Variants in MYO10 observed in about 807,000 individuals in gnomAD.
The protein encoded by MYO10 is myosin X, also known as unconventional myosin-X.
Under a neutral mutation model 257.3 loss-of-function variants are expected in MYO10, and 133 were observed. The observed-to-expected ratio is 0.52, with a 90% CI of 0.45 to 0.60. The LOEUF (loss-of-function observed/expected upper bound fraction) is 0.60, where lower values mean the gene tolerates loss of function less well. Among genes scored for constraint, MYO10 ranks in the 20% least tolerant of loss-of-function variants. The pLI is 0.00. For missense variants in MYO10, 2,399 were observed against 2,635.7 expected, an observed-to-expected ratio of 0.91 and a Z score of 1.97; for synonymous variants, 1,104 against 1,028.6, an observed-to-expected ratio of 1.07 and a Z score of -1.40.
chr5:16,841,076 C>A (rs1001241259), intron 2 of MYO10, among the ~76,000 whole-genome samples: 1 of 149,704 alleles, frequency 6.7e-6, no homozygotes, highest in East Asian at 2.0e-4. Context: ...ACCTGGAAAG[C>A]GGAGATTGCA....
chr5:16,848,230 C>A (rs965996267), intron 2 of MYO10, among the ~76,000 whole-genome samples: 12 of 144,560 alleles, frequency 8.3e-5, no homozygotes, highest in Admixed American at 7.1e-4. Flanking sequence ...ACAATCTTGG[C>A]TCACTGCAAC....
chr5:16,735,760 A>C (rs556644281), intron 19 of MYO10, among the ~76,000 whole-genome samples: 1 of 152,032 alleles, frequency 6.6e-6, no homozygotes, highest in East Asian at 1.9e-4. Flanking sequence ...ACTCTAAAAA[A>C]TCCTCCCTGT....
At chr5:16,833,377 A>G (rs991568736) in intron 2 of MYO10, among the ~76,000 whole-genome samples, 28 of 151,894 alleles carry the variant, frequency 1.8e-4, no homozygotes, top group African/African-American at 6.3e-4. Context: ...CCACACCTGG[A>G]TAATTTTTGT....
At chr5:16,899,596 C>G (rs1454021121) in intron 1 of MYO10, among the ~76,000 whole-genome samples, 11 of 143,698 alleles carry the variant, frequency 7.7e-5, no homozygotes, top group African/African-American at 2.9e-4. Context: ...CATGCCACAG[C>G]AGGCCTGGGC....
intron 19 of MYO10, among the ~76,000 whole-genome samples, chr5:16,732,581 T>C (rs1003004631): frequency 6.6e-6 from 1 of 152,156 alleles, no homozygotes; most frequent in African/African-American, 2.4e-5. Flanking sequence ...CTGTCTCTCT[T>C]TGTAGATGTT....
chr5:16,757,301 AACACACACACACACGCACACAC>A lies in MYO10; in HGVS notation c.1848+795_1848+816del, dbSNP rs1327996091. On this transcript the variant is annotated intron_variant, in intron 18 of 40. Coordinates refer to ENST00000513610, the MANE Select transcript of MYO10 (RefSeq NM_012334.3). Reference sequence around the variant, plus strand: ...CAAGACCCTGTCTCACACACACACAAACACACACACACACGCACACACACACACACACACACACACACGGAAA... The same window carrying A: ...CAAGACCCTGTCTCACACACACACAAACACACACACACACACACACGGAAA... Among the ~76,000 whole-genome samples the A allele has an allele frequency of 9.4e-3, 793 of 84,372 alleles. 3 individuals are homozygous for A. Among genetic ancestry groups the A allele is most frequent in the Middle Eastern group, 0.059 (11 of 186 alleles). The allele number at this position is 84,372 out of a possible 152,430, so 55.4% of individuals were successfully genotyped here.
At chr5:16,900,405 G>T (rs1026351924) in intron 1 of MYO10, among the ~76,000 whole-genome samples, 1 of 152,072 alleles carries the variant, frequency 6.6e-6, no homozygotes, top group Non-Finnish European at 1.5e-5. Flanking sequence ...AGTTTGCAGG[G>T]GCTACAGGTT....
chr5:16,683,509 A>G lies in MYO10; in HGVS notation c.4046+371T>C, dbSNP rs143026984. ...AAAATCCTTTTCAAGTTTATCGTTA[A>G]GTTCAGAAAGGAGAATGACTCCCTT... On this transcript the variant is annotated intron_variant, in intron 30 of 40. Coordinates refer to ENST00000513610, the MANE Select transcript of MYO10 (RefSeq NM_012334.3). Among the ~76,000 whole-genome samples, 20 of 152,358 alleles carry G rather than the reference A, an allele frequency of 1.3e-4. No individual in the cohort carries two copies. The East Asian group carries it at 3.9e-3, about 29-fold the overall frequency.
At chr5:16,824,954 T>G (rs1452493533) in intron 2 of MYO10, among the ~76,000 whole-genome samples, 1 of 152,186 alleles carries the variant, frequency 6.6e-6, no homozygotes, top group Non-Finnish European at 1.5e-5. Flanking sequence ...AAAATCAGCA[T>G]GACAATATTA....
rs749276491 is a variant in MYO10 at position 16,758,154 on chromosome 5, G to C, written c.1812C>G (p.Ser604Arg). ...AGCTGACTGTAGGCCGCCGATGTTT[G>C]CTTCCACATTTCAAGGTATCCTGGT... The part of the protein sequence containing the change: ...RNNQDTLKCG[S>R]KHRRPTVSSQ... The change falls in exon 18 of 41, where the codon AGC becomes AGG. Residue 604 changes from serine to arginine, a missense_variant. Physicochemically the swap from Ser to Arg is moderately radical, Grantham distance 110. Coordinates refer to ENST00000513610, the MANE Select transcript of MYO10 (RefSeq NM_012334.3). 1 of 1,613,610 alleles carries C rather than the reference G, an allele frequency of 6.2e-7. No individual in the cohort carries two copies. The highest frequency in any genetic ancestry group is 8.5e-7 in the Non-Finnish European group (1 of 1,179,518).
In MYO10 at chr5:16,685,002, C is replaced by T. The variant is rs1022154789; in HGVS notation, c.3990+736G>A. ...CGGAGGTTGCAGTGAACTGAGATCT[C>T]GCCACTGCACTTCAGCCTGGGTGAC... On this transcript the variant is annotated intron_variant, in intron 29 of 40. Coordinates refer to ENST00000513610, the MANE Select transcript of MYO10 (RefSeq NM_012334.3). 2.0e-5 allele frequency among the ~76,000 whole-genome samples: 3 copies of T among 151,712 alleles called. No homozygotes were observed. The East Asian group carries it at 5.8e-4, about 29-fold the overall frequency.
chr5:16,670,207 G>A (rs889695127), intron 39 of MYO10, among the ~76,000 whole-genome samples: 2 of 152,282 alleles, frequency 1.3e-5, no homozygotes, highest in East Asian at 1.9e-4. Context: ...TGTATATACA[G>A]CTATAACATT....
chr5:16,871,480 G>A (rs1031274750), intron 2 of MYO10, among the ~76,000 whole-genome samples: 2 of 152,126 alleles, frequency 1.3e-5, no homozygotes, highest in African/African-American at 2.4e-5. Flanking sequence ...GGTGGCATGT[G>A]CCCGTGGTCC....
At chr5:16,865,566 T>G (rs905521507) in intron 2 of MYO10, among the ~76,000 whole-genome samples, 1 of 152,176 alleles carries the variant, frequency 6.6e-6, no homozygotes, top group Non-Finnish European at 1.5e-5. Context: ...ATCCCAGCAC[T>G]TTGGGAGGCC....
rs374498965 is a variant in MYO10 at position 16,903,298 on chromosome 5, G to A, written c.22-25591C>T. Among the ~76,000 whole-genome samples the A allele has an allele frequency of 7.9e-5, 12 of 152,304 alleles. No individual in the cohort carries two copies. The East Asian group carries it at 1.2e-3, about 15-fold the overall frequency. ...CGCATGCCTGTAATCCTAGCAACTC[G>A]GGAGGCTGAGGCAGGAGAATCACTT... On this transcript the variant is annotated intron_variant, in intron 1 of 40. Transcript: ENST00000513610.
At chr5:16,797,404 T>G (rs1742002329) in intron 3 of MYO10, among the ~76,000 whole-genome samples, 1 of 152,082 alleles carries the variant, frequency 6.6e-6, no homozygotes, top group South Asian at 2.1e-4. Flanking sequence ...GGAAATAATA[T>G]GAAGCAAAAG....
rs1410916769 is a variant in MYO10, at chr5:16,888,381, T to TA, written c.22-10675dup. 2.6e-5 allele frequency among the ~76,000 whole-genome samples: 4 copies of TA among 151,746 alleles called. No homozygotes were observed. The South Asian group carries it at 6.2e-4, about 24-fold the overall frequency. On this transcript the variant is annotated intron_variant, in intron 1 of 40. Transcript: ENST00000513610. ...TCATCTCTACAACATTTTTTTTAAT[T>TA]AAAAAATTACTCAAGACCAGCCTGA...
intron 33 of MYO10, among the ~76,000 whole-genome samples, chr5:16,678,167 C>A (rs970901399): frequency 6.6e-6 from 1 of 152,212 alleles, no homozygotes; most frequent in Non-Finnish European, 1.5e-5. Flanking sequence ...GATAGTTTTA[C>A]TCCTTTCAGA....
rs547001961 is a variant in MYO10, at chr5:16,724,594, G to T, written c.1930-13349C>A. On this transcript the variant is annotated intron_variant, in intron 19 of 40. Coordinates refer to ENST00000513610, the MANE Select transcript of MYO10 (RefSeq NM_012334.3). ...TTTTTTTTAATGACTCACATGACAC[G>T]ACTGGAATGTGTTTCTATGGGGGTT... Among the ~76,000 whole-genome samples the T allele has an allele frequency of 3.3e-5, 5 of 151,942 alleles. No homozygotes were observed. The South Asian group carries it at 1.0e-3, about 32-fold the overall frequency.
Sources: allele counts gnomAD v4.1 joint callset (sites outside exome capture counted in the v4.1 genomes callset), GRCh38; gene constraint gnomAD v4.1.1; transcripts MANE v1.5; gene names NCBI Gene and HGNC (gene_info 2026-07-23, HGNC 2026-07-21).